Variants in ERC2 observed in about 807,000 individuals in gnomAD.
The protein encoded by ERC2 is ERC protein 2.
ERC2 carries 42 observed loss-of-function variants against 114.8 expected under a neutral mutation model. That is an observed-to-expected ratio of 0.37 (90% CI 0.29 to 0.47). The LOEUF (loss-of-function observed/expected upper bound fraction) is 0.47. Among genes scored for constraint, ERC2 ranks in the 20% least tolerant of loss-of-function variants. ERC2 has a pLI of 0.99. For synonymous variants in ERC2, 454 were observed against 425.5 expected, an observed-to-expected ratio of 1.07 and a Z score of -0.82; for missense variants, 939 against 1,150.7, an observed-to-expected ratio of 0.82 and a Z score of 2.66.
intron 4 of ERC2, among the ~76,000 whole-genome samples, 162 bp downstream of exon 4, chr3:56,173,284 C>T (rs908378542): frequency 6.6e-6 from 1 of 152,142 alleles, no homozygotes; most frequent in African/African-American, 2.4e-5. Flanking sequence ...AGGACCAATA[C>T]ATTAAATGTG....
chr3:56,214,289 A>T (rs1020645480), intron 3 of ERC2, among the ~76,000 whole-genome samples: 1 of 152,134 alleles, frequency 6.6e-6, no homozygotes, highest in East Asian at 1.9e-4. Flanking sequence ...AATGGAGAGA[A>T]GCCCTTAAAG....
intron 13 of ERC2, among the ~76,000 whole-genome samples, chr3:55,913,515 G>A (rs1294832067): frequency 6.6e-6 from 1 of 151,096 alleles, no homozygotes; most frequent in Non-Finnish European, 1.5e-5. Flanking sequence ...CAGAAACAGA[G>A]GTATATTTTA....
At chr3:56,192,928 C>T (rs1281816487) in intron 3 of ERC2, among the ~76,000 whole-genome samples, 1 of 152,184 alleles carries the variant, frequency 6.6e-6, no homozygotes, top group Non-Finnish European at 1.5e-5. Context: ...AGTAGTACCA[C>T]TAAGGCCAGC....
intron 10 of ERC2, among the ~76,000 whole-genome samples, chr3:56,005,228 A>C (rs1447561101): frequency 3.3e-5 from 5 of 152,092 alleles, no homozygotes; most frequent in African/African-American, 4.8e-5. Context: ...TTCATAAATG[A>C]AATAGGTCCT....
intron 14 of ERC2, among the ~76,000 whole-genome samples, chr3:55,816,355 G>A (rs1053202362): frequency 6.6e-6 from 1 of 152,200 alleles, no homozygotes; most frequent in African/African-American, 2.4e-5. Context: ...ATCACTTAGT[G>A]AATATGAGTG....
At chr3:55,660,554 A>C (rs1156271961) in intron 17 of ERC2, among the ~76,000 whole-genome samples, 4 of 150,064 alleles carry the variant, frequency 2.7e-5, no homozygotes, top group African/African-American at 9.7e-5. Context: ...CTAGTGGTGT[A>C]GTATTCCAAG....
chr3:55,861,635 G>A (rs930538271), intron 14 of ERC2, among the ~76,000 whole-genome samples: 2 of 151,298 alleles, frequency 1.3e-5, no homozygotes, highest in African/African-American at 4.9e-5. Flanking sequence ...TCATTCTAAG[G>A]TCTTTTGTTC....
chr3:56,243,096 G>C (rs965401227), intron 3 of ERC2, among the ~76,000 whole-genome samples: 8 of 152,242 alleles, frequency 5.3e-5, no homozygotes, highest in Middle Eastern at 6.8e-3. Context: ...TGTATACCCT[G>C]ATTAAGTTCA....
intron 14 of ERC2, among the ~76,000 whole-genome samples, chr3:55,861,341 G>A (rs1480055155): frequency 2.6e-5 from 4 of 152,190 alleles, no homozygotes; most frequent in African/African-American, 9.7e-5. Context: ...CCCAAGATAT[G>A]CACATAGCTC....
intron 3 of ERC2, among the ~76,000 whole-genome samples, chr3:56,251,841 A>G (rs2052177146): frequency 6.6e-6 from 1 of 152,230 alleles, no homozygotes; most frequent in Non-Finnish European, 1.5e-5. Flanking sequence ...TTACTTGTAG[A>G]TGCCTCTGAA....
intron 3 of ERC2, among the ~76,000 whole-genome samples, chr3:56,202,311 T>C (rs974061521): frequency 2.6e-5 from 4 of 152,202 alleles, no homozygotes; most frequent in African/African-American, 9.7e-5. Flanking sequence ...CAAAACACAT[T>C]AAACACGTTT....
chr3:56,094,208 T>G (rs148786639), intron 6 of ERC2, among the ~76,000 whole-genome samples: 7 of 152,116 alleles, frequency 4.6e-5, no homozygotes, highest in Admixed American at 1.3e-4. Flanking sequence ...AAGGTTTGAG[T>G]GTGGCAAAAT....
chr3:55,622,057 A>G (rs1253199933), intron 17 of ERC2, among the ~76,000 whole-genome samples: 1 of 152,208 alleles, frequency 6.6e-6, no homozygotes, highest in Non-Finnish European at 1.5e-5. Flanking sequence ...GAATTTTTCC[A>G]TCCGAATCTG....
intron 11 of ERC2, among the ~76,000 whole-genome samples, chr3:55,989,418 G>A (rs781225630): frequency 6.6e-6 from 1 of 152,150 alleles, no homozygotes; most frequent in African/African-American, 2.4e-5. Context: ...GTTCTGGGGG[G>A]CTGGTTTAGC....
chr3:55,907,572 A>G (rs1456867964), intron 13 of ERC2, among the ~76,000 whole-genome samples: 3 of 152,230 alleles, frequency 2.0e-5, no homozygotes, highest in African/African-American at 7.2e-5. Flanking sequence ...GATGTAACAG[A>G]GCTACAGAAG....
At chr3:56,410,469 C>T (rs767730641) in intron 2 of ERC2, among the ~76,000 whole-genome samples, 5 of 152,204 alleles carry the variant, frequency 3.3e-5, no homozygotes, top group African/African-American at 4.8e-5. Flanking sequence ...ACGTGCTAAG[C>T]ACTCTGCTTA....
intron 2 of ERC2, among the ~76,000 whole-genome samples, chr3:56,383,128 C>T (rs1433371736): frequency 6.6e-6 from 1 of 152,108 alleles, no homozygotes; most frequent in Non-Finnish European, 1.5e-5. Flanking sequence ...CTGCTCCTAT[C>T]CTGGTGCAAG....
At chr3:55,852,115 G>A (rs966898141) in intron 14 of ERC2, among the ~76,000 whole-genome samples, 2 of 152,120 alleles carry the variant, frequency 1.3e-5, no homozygotes, top group Non-Finnish European at 2.9e-5. Context: ...AGCTACTCAG[G>A]AGGCTGAGGC....
chr3:55,659,821 C>T (rs545837912), intron 17 of ERC2, among the ~76,000 whole-genome samples: 7 of 151,928 alleles, frequency 4.6e-5, no homozygotes, highest in South Asian at 4.2e-4. Context: ...TCTCCTCTGC[C>T]GCCTCTGTAC....
Sources: allele counts gnomAD v4.1 joint callset (sites outside exome capture counted in the v4.1 genomes callset), GRCh38; gene constraint gnomAD v4.1.1; transcripts MANE v1.5; gene names NCBI Gene and HGNC (gene_info 2026-07-23, HGNC 2026-07-21).